PRKG1: variants seen among roughly 807,000 people sequenced by gnomAD.
The protein encoded by PRKG1 is cGMP-dependent protein kinase 1.
Under a neutral mutation model 88.1 loss-of-function variants are expected in PRKG1, and 35 were observed. The observed-to-expected ratio is 0.40, with a 90% CI of 0.30 to 0.53. The LOEUF is 0.53. PRKG1 is among the 20% of genes least tolerant of loss of function. PRKG1 has a pLI of 0.59. For synonymous variants in PRKG1, 303 were observed against 292.5 expected (o/e 1.04, Z -0.37); for missense variants, 540 against 839.8 (o/e 0.64, Z 4.41).
At chr10:51,878,493 C>T (rs541122859) in intron 4 of PRKG1, among the ~76,000 whole-genome samples, 1 of 152,240 alleles carries the variant, frequency 6.6e-6, no homozygotes, top group East Asian at 1.9e-4. Flanking sequence ...GATAAAACTA[C>T]TCATACAACC....
intron 3 of PRKG1, among the ~76,000 whole-genome samples, chr10:51,654,196 T>C (rs1840107743): frequency 6.6e-6 from 1 of 152,198 alleles, no homozygotes; most frequent in African/African-American, 2.4e-5. Flanking sequence ...TTTGAATTAA[T>C]ATTTGTATAT....
At chr10:51,895,936 C>T (rs539587695) in intron 4 of PRKG1, among the ~76,000 whole-genome samples, 1 of 152,136 alleles carries the variant, frequency 6.6e-6, no homozygotes, top group Admixed American at 6.6e-5. Flanking sequence ...CTCCTCTGTG[C>T]ACACAAAAGC....
chr10:51,749,110 A>G (rs1220177528), intron 3 of PRKG1, among the ~76,000 whole-genome samples: 1 of 150,874 alleles, frequency 6.6e-6, no homozygotes, highest in African/African-American at 2.5e-5. Flanking sequence ...GAAATTAACA[A>G]GATAAGATTG....
At chr10:52,050,824 A>T (rs1187681949) in intron 5 of PRKG1, among the ~76,000 whole-genome samples, 2 of 152,218 alleles carry the variant, frequency 1.3e-5, no homozygotes, top group African/African-American at 4.8e-5. Context: ...CTATATCTGG[A>T]TATCCCCACC....
chr10:51,682,805 C>T (rs994907342), intron 3 of PRKG1, among the ~76,000 whole-genome samples: 5 of 152,158 alleles, frequency 3.3e-5, no homozygotes, highest in African/African-American at 7.2e-5. Flanking sequence ...TTTACTATAA[C>T]AGTGCCATCT....
intron 5 of PRKG1, among the ~76,000 whole-genome samples, chr10:51,945,599 G>T (rs1050233034): frequency 1.5e-4 from 23 of 151,928 alleles, no homozygotes; most frequent in Non-Finnish European, 3.2e-4. Context: ...GGTATGGGTT[G>T]TTCCTTTCCA....
intron 3 of PRKG1, among the ~76,000 whole-genome samples, chr10:51,639,104 G>A (rs548089475): frequency 2.6e-4 from 40 of 151,904 alleles, no homozygotes; most frequent in African/African-American, 9.4e-4. Context: ...GAATAGAAGA[G>A]GTGAGGATTG....
At chr10:51,224,149 G>A (rs759608084) in intron 2 of PRKG1, among the ~76,000 whole-genome samples, 15 of 152,202 alleles carry the variant, frequency 9.9e-5, no homozygotes, top group Non-Finnish European at 1.9e-4. Flanking sequence ...GCCTGCCATT[G>A]CCTTCATCTA....
At chr10:51,494,598 C>A (rs1840801392) in intron 3 of PRKG1, among the ~76,000 whole-genome samples, 2 of 152,012 alleles carry the variant, frequency 1.3e-5, no homozygotes, top group Non-Finnish European at 2.9e-5. Context: ...GCCAGGCAGG[C>A]AAAAATGGTA....
intron 7 of PRKG1, among the ~76,000 whole-genome samples, chr10:52,117,793 G>T (rs1847723693): frequency 6.6e-6 from 1 of 151,622 alleles, no homozygotes; most frequent in Admixed American, 6.6e-5. Context: ...AAAATACCAT[G>T]CATTTTGTGT....
chr10:52,062,589 C>T lies in PRKG1; in HGVS notation c.893C>T (p.Thr298Ile), dbSNP rs140716870. The part of the protein sequence containing the change: ...SPSEDPVFLR[T>I]LGKGDWFGEK... ...AGTGAAGACCCAGTCTTTCTTAGAA[C>T]TTTAGGAAAAGGAGACTGGTTTGGA... The change falls in exon 7 of 18, where the codon ACT becomes ATT. Residue 298 changes from threonine to isoleucine, a missense_variant. Thr to Ile is a moderately conservative substitution (Grantham distance 89, BLOSUM62 -1). Transcript: ENST00000373980. The T allele has an allele frequency of 3.5e-5, 56 of 1,609,492 alleles. No homozygotes were observed. In the African/African-American group the frequency reaches 6.7e-4, roughly 19 times the overall value.
intron 3 of PRKG1, among the ~76,000 whole-genome samples, chr10:51,570,394 G>A (rs1837722016): frequency 6.6e-6 from 1 of 151,722 alleles, no homozygotes; most frequent in Non-Finnish European, 1.5e-5. Context: ...AGAAAATAAG[G>A]AAGACGAAGT....
chr10:51,058,868 T>C (rs1843664121), intron 1 of PRKG1, among the ~76,000 whole-genome samples: 1 of 152,196 alleles, frequency 6.6e-6, no homozygotes, highest in Non-Finnish European at 1.5e-5. Context: ...ATTCATTTAC[T>C]TGATGTATGA....
chr10:51,439,773 T>C (rs983180956), intron 2 of PRKG1, among the ~76,000 whole-genome samples: 3 of 152,006 alleles, frequency 2.0e-5, no homozygotes, highest in South Asian at 2.1e-4. Context: ...TTCTGAACTG[T>C]TTGTGTTTAT....
chr10:51,542,345 C>T (rs1430964119), intron 3 of PRKG1, among the ~76,000 whole-genome samples: 1 of 152,044 alleles, frequency 6.6e-6, no homozygotes, highest in African/African-American at 2.4e-5. Context: ...TTACGTGCAT[C>T]CACCAATTTT....
chr10:51,648,760 TA>T lies in PRKG1; in HGVS notation c.593-155822del, dbSNP rs1839973140. ...CGGAAACATATGTCACTTTAATGTC[TA>T]AACTTCATCCTTCTCATAAAAAGTT... On this transcript the variant is annotated intron_variant, in intron 3 of 17. Coordinates refer to ENST00000373980, the MANE Select transcript of PRKG1 (RefSeq NM_006258.4). 2.6e-5 allele frequency among the ~76,000 whole-genome samples: 4 copies of T among 152,340 alleles called. No homozygotes were observed. In the South Asian group the frequency reaches 8.3e-4, roughly 32 times the overall value.
intron 3 of PRKG1, among the ~76,000 whole-genome samples, chr10:51,490,943 G>T (rs1840693794): frequency 6.6e-6 from 1 of 152,002 alleles, no homozygotes; most frequent in South Asian, 2.1e-4. Context: ...AGAAACACTT[G>T]AAATGGAAGA....
At chr10:52,030,860 G>A (rs1037505461) in intron 5 of PRKG1, among the ~76,000 whole-genome samples, 2 of 152,032 alleles carry the variant, frequency 1.3e-5, no homozygotes, top group Admixed American at 1.3e-4. Flanking sequence ...AAAGGAAGAG[G>A]AATTCTATGG....
Position 51,144,159 on chromosome 10 carries a change from T to C in PRKG1, c.312-9005T>C, listed in dbSNP as rs1026260604. 2.0e-5 allele frequency among the ~76,000 whole-genome samples: 3 copies of C among 152,132 alleles called. No homozygotes were observed. In the South Asian group the frequency reaches 6.2e-4, roughly 31 times the overall value. On this transcript the variant is annotated intron_variant, in intron 1 of 17. Transcript: ENST00000373980. ...GTTGATTTTTGTTTATGATGAGAGA[T>C]AAGGGTCTAATTTCATTCTTCTGCA... is the stretch of plus-strand genomic sequence containing the variant.
Sources: gnomAD v4.1 joint callset for allele counts (sites outside exome capture counted in the v4.1 genomes callset) on GRCh38, gnomAD v4.1.1 for gene constraint, MANE v1.5 for transcripts, NCBI Gene and HGNC (gene_info 2026-07-23, HGNC 2026-07-21) for gene names.